The following RSPH9 variants were observed in gnomAD, a reference collection of about 807,000 sequenced individuals.
The protein encoded by RSPH9 is radial spoke head protein 9 homolog.
Under a neutral mutation model 27.0 loss-of-function variants are expected in RSPH9, and 27 were observed. The ratio of observed to expected loss-of-function variants is 1.00; its 90% CI spans 0.74 to 1.38. RSPH9 has a LOEUF of 1.38. Among genes scored for constraint, RSPH9 ranks in the 40% most tolerant of loss-of-function variants. RSPH9 has a pLI of 0.00. For synonymous variants in RSPH9, 145 were observed against 147.7 expected (o/e 0.98, Z 0.13); for missense variants, 347 against 357.4 (o/e 0.97, Z 0.24).
At chr6:43,667,355 G>T (rs1256703393) in intron 4 of RSPH9, among the ~76,000 whole-genome samples, 1 of 152,246 alleles carries the variant, frequency 6.6e-6, no homozygotes, top group Non-Finnish European at 1.5e-5. Context: ...GTGCACACAG[G>T]CTGGGGCTCC....
At chr6:43,665,823 CTTTTT>C in intron 4 of RSPH9, among the ~76,000 whole-genome samples, 1 of 148,672 alleles carries the variant, frequency 6.7e-6, no homozygotes, top group Non-Finnish European at 1.5e-5. Flanking sequence ...TTCTTTCTTT[CTTTTT>C]TTTTTAATTT....
At chr6:43,651,634 C>T (rs1407202941) in intron 2 of RSPH9, among the ~76,000 whole-genome samples, 1 of 151,838 alleles carries the variant, frequency 6.6e-6, no homozygotes, top group South Asian at 2.1e-4. Flanking sequence ...CTGCAACCTC[C>T]GCCTCCTGGG....
At chr6:43,650,337 G>A (rs1344632075) in intron 1 of RSPH9, 38 bp from the exon 2 acceptor site, 2 of 1,610,754 alleles carry the variant, frequency 1.2e-6, no homozygotes, top group Non-Finnish European at 1.7e-6. Flanking sequence ...GGTGAGAAGG[G>A]AGTTGGAATC....
intron 4 of RSPH9, among the ~76,000 whole-genome samples, chr6:43,657,405 C>T (rs532124187): frequency 6.6e-6 from 1 of 152,328 alleles, no homozygotes; most frequent in African/African-American, 2.4e-5. Flanking sequence ...TGCCTTATCT[C>T]ATTTTAATCT....
rs374243816 is a variant in RSPH9, at chr6:43,670,750, A to G, written c.671-39A>G. ...GCATGAAGGGCAGAGCTGTGGCTCC[A>G]GCAGCACCAGGCCTCACCTCCTGCC... On this transcript the variant is annotated intron_variant, in intron 4 of 4. Transcript: ENST00000372163. The G allele has an allele frequency of 7.9e-5, 126 of 1,593,478 alleles. 1 individual carries two copies. The highest frequency in any genetic ancestry group is 1.7e-4 in the Admixed American group (10 of 59,960).
rs1200153334 is a variant in RSPH9 at position 43,672,062 on chromosome 6, A to G, written c.*1113A>G. On this transcript the variant is annotated 3_prime_UTR_variant, in exon 5 of 5. Coordinates refer to ENST00000372163, the MANE Select transcript of RSPH9 (RefSeq NM_152732.5). ...GAAGTGCAGGGATTTTCCTGGGAGTAACTGCTGAGCGTCCTGTAAACAGAT... is the reference window on the plus strand; with the variant it reads ...GAAGTGCAGGGATTTTCCTGGGAGTGACTGCTGAGCGTCCTGTAAACAGAT... The G allele has an allele frequency of 1.1e-6, 1 of 887,556 alleles. No individual in the cohort carries two copies. The highest frequency in any genetic ancestry group is 1.7e-5 in the African/African-American group (1 of 58,894). 55.0% of individuals were successfully genotyped at this position (887,556 alleles called of 1,614,324 possible). A position where few individuals can be genotyped will look rare whatever the true frequency, so the allele number is the denominator to read the frequency against.
At chr6:43,646,162 C>G (rs908325273) in intron 1 of RSPH9, among the ~76,000 whole-genome samples, 1 of 150,148 alleles carries the variant, frequency 6.7e-6, no homozygotes, top group Admixed American at 6.6e-5. Context: ...GACGGAGTCT[C>G]GCTCTGTCGC....
chr6:43,668,988 ATC>A (rs547897633), intron 4 of RSPH9, among the ~76,000 whole-genome samples: 1 of 152,046 alleles, frequency 6.6e-6, no homozygotes, highest in Admixed American at 6.5e-5. Context: ...ATCCTAAACA[ATC>A]TGTTTTCTGG....
rs1319738402 is a variant in RSPH9 at position 43,672,119 on chromosome 6, G to A, written c.*1170G>A. On this transcript the variant is annotated 3_prime_UTR_variant, in exon 5 of 5. Transcript: ENST00000372163. ...GGCTCTTGCTGCCGCAAGCCTGTGT[G>A]GCCAGGTTCAGGCAGCCCAGGGCCA... 1.1e-5 allele frequency: 7 copies of A among 623,342 alleles called. No homozygotes were observed. Among genetic ancestry groups the A allele is most frequent in the African/African-American group, 1.1e-4 (6 of 54,134 alleles). 38.6% of individuals were successfully genotyped at this position (623,342 alleles called of 1,614,324 possible).
At chr6:43,667,504 G>A (rs1706693105) in intron 4 of RSPH9, among the ~76,000 whole-genome samples, 1 of 152,218 alleles carries the variant, frequency 6.6e-6, no homozygotes, top group Non-Finnish European at 1.5e-5. Flanking sequence ...GAGTGAGGCG[G>A]GCATGGGCGC....
Position 43,671,582 on chromosome 6 carries a change from T to A in RSPH9, c.*633T>A. ...CCTGCCTGCCTCTAGCTCCCAGCAT[T>A]GCTACTGTGCAGGCCAAGGGTACTG... On this transcript the variant is annotated 3_prime_UTR_variant, in exon 5 of 5. Transcript: ENST00000372163. 1.5e-6 allele frequency: 1 copy of A among 684,214 alleles called. No homozygotes were observed. Among genetic ancestry groups the A allele is most frequent in the Non-Finnish European group, 2.4e-6 (1 of 409,982 alleles). The allele number at this position is 684,214 out of a possible 1,614,324, so 42.4% of individuals were successfully genotyped here. A position where few individuals can be genotyped will look rare whatever the true frequency, so the allele number is the denominator to read the frequency against.
rs1023143127 is a variant in RSPH9 at position 43,672,421 on chromosome 6, C to T, written c.*1472C>T. 2.8e-5 allele frequency: 13 copies of T among 471,134 alleles called. No individual in the cohort carries two copies. The highest frequency in any genetic ancestry group is 1.0e-4 in the African/African-American group (5 of 50,092). 29.2% of individuals were successfully genotyped at this position (471,134 alleles called of 1,614,324 possible). ...GAATCAAGGGGTAAGGGCCCGTGGG[C>T]GCAGCCCTAGCCTAGGAAGGTTCCT... On this transcript the variant is annotated 3_prime_UTR_variant, in exon 5 of 5. Transcript: ENST00000372163.
In RSPH9 at chr6:43,650,519, A is replaced by G. The variant is rs1771333520; in HGVS notation, c.372A>G (p.Lys124=). ...TGCAGAAGGTGAATGAAGGTGAAAA[A>G]GTCTTTGAAGAAGAAATAGTGGTGA... ...TELQKVNEGE[K]VFEEEIVVQI... Residue 124 remains lysine, a synonymous_variant, in exon 2 of 5, where the codon AAA becomes AAG. Coordinates refer to ENST00000372163, the MANE Select transcript of RSPH9 (RefSeq NM_152732.5). 6.2e-7 allele frequency: 1 copy of G among 1,614,182 alleles called. No individual in the cohort carries two copies. The highest frequency in any genetic ancestry group is 2.2e-5 in the East Asian group (1 of 44,880).
At chr6:43,662,626 C>G (rs1023883901) in intron 4 of RSPH9, among the ~76,000 whole-genome samples, 1 of 151,896 alleles carries the variant, frequency 6.6e-6, no homozygotes, top group African/African-American at 2.4e-5. Flanking sequence ...CTCGGCCTCC[C>G]AAAGCGCTGG....
At chr6:43,651,576 T>A (rs1308044344) in intron 2 of RSPH9, among the ~76,000 whole-genome samples, 1 of 151,908 alleles carries the variant, frequency 6.6e-6, no homozygotes, top group African/African-American at 2.4e-5. Flanking sequence ...TGAGACGGAG[T>A]CTTGCTTTGT....
chr6:43,657,432 A>G (rs141299403), intron 4 of RSPH9, among the ~76,000 whole-genome samples: 1 of 152,288 alleles, frequency 6.6e-6, no homozygotes, highest in East Asian at 1.9e-4. Context: ...CCAGCCTATT[A>G]TTTTTATCCC....
chr6:43,646,170 C>T lies in RSPH9; in HGVS notation c.227+845C>T, dbSNP rs536188320. Among the ~76,000 whole-genome samples the T allele has an allele frequency of 3.3e-5, 5 of 151,998 alleles. No homozygotes were observed. In the South Asian group the frequency reaches 1.0e-3, roughly 32 times the overall value. ...TATTTTAGACGGAGTCTCGCTCTGT[C>T]GCCCAGGCTGGAGTGCAGTGGCTCG... is the stretch of plus-strand genomic sequence containing the variant. On this transcript the variant is annotated intron_variant, in intron 1 of 4. Transcript: ENST00000372163.
intron 2 of RSPH9, among the ~76,000 whole-genome samples, chr6:43,651,465 G>A (rs1488889487): frequency 6.6e-6 from 1 of 152,112 alleles, no homozygotes; most frequent in Non-Finnish European, 1.5e-5. Flanking sequence ...GGTACAAAAA[G>A]GAATATAGTA....
chr6:43,662,846 G>C (rs577748680), intron 4 of RSPH9, among the ~76,000 whole-genome samples: 7 of 152,176 alleles, frequency 4.6e-5, no homozygotes, highest in Admixed American at 4.6e-4. Context: ...ACCCAGACTG[G>C]AGTGCAGTGG....
Sources: gnomAD v4.1 joint callset for allele counts (sites outside exome capture counted in the v4.1 genomes callset) on GRCh38, gnomAD v4.1.1 for gene constraint, MANE v1.5 for transcripts, NCBI Gene and HGNC (gene_info 2026-07-23, HGNC 2026-07-21) for gene names.